The following CRB1 variants were observed in gnomAD, a reference collection of about 807,000 sequenced individuals.
CRB1 encodes the protein protein crumbs homolog 1.
In CRB1, 83 loss-of-function variants were observed where a neutral mutation model predicts 120.0. The ratio of observed to expected loss-of-function variants is 0.69; its 90% CI spans 0.58 to 0.83. The LOEUF (loss-of-function observed/expected upper bound fraction) is 0.83. CRB1 is among the 40% of genes least tolerant of loss of function. CRB1 has a pLI of 0.00. For synonymous variants in CRB1, 625 were observed against 612.5 expected (o/e 1.02, Z -0.30); for missense variants, 1,699 against 1,687.6 (o/e 1.01, Z -0.12).
intron 5 of CRB1, among the ~76,000 whole-genome samples, chr1:197,392,752 T>C (rs1662570794): frequency 6.6e-6 from 1 of 152,036 alleles, no homozygotes; most frequent in Non-Finnish European, 1.5e-5. Context: ...ATACTATGAA[T>C]CAAACATAAA....
chr1:197,313,415 T>C (rs1298412665), intron 1 of CRB1, among the ~76,000 whole-genome samples: 1 of 152,228 alleles, frequency 6.6e-6, no homozygotes, highest in Non-Finnish European at 1.5e-5. Flanking sequence ...AATTGAGATA[T>C]ACATCACCTG....
the CRB1 span, among the ~76,000 whole-genome samples, chr1:197,262,970 A>C: frequency 3.9e-4 from 60 of 152,296 alleles, no homozygotes; most frequent in South Asian, 1.0e-3. Context: ...TGCTATTATG[A>C]ATAGCGCTGT....
Position 197,453,530 on chromosome 1 carries a change from A to G in CRB1, c.4005+11238A>G. Among the ~76,000 whole-genome samples the G allele has an allele frequency of 3.1e-5, 2 of 64,828 alleles. 1 individual carries two copies. The highest frequency in any genetic ancestry group is 1.9e-3 in the South Asian group (2 of 1,076). 42.5% of individuals were successfully genotyped at this position (64,828 alleles called of 152,430 possible). A position where few individuals can be genotyped will look rare whatever the true frequency, so the allele number is the denominator to read the frequency against. ...TATATATATGTGTGTGTGTGTATAT[A>G]TATATATATAGAGAGAGAGACAGAG... is the stretch of plus-strand genomic sequence containing the variant. On this transcript the variant is annotated intron_variant, in intron 11 of 11. Transcript: ENST00000367400.
chr1:197,275,301 T>C (rs1260106065), intron 1 of CRB1, among the ~76,000 whole-genome samples: 1 of 152,070 alleles, frequency 6.6e-6, no homozygotes, highest in Non-Finnish European at 1.5e-5. Context: ...CAATTCAACC[T>C]ATAACATCTA....
chr1:197,345,957 C>G (rs1174482273), intron 3 of CRB1, among the ~76,000 whole-genome samples: 3 of 152,136 alleles, frequency 2.0e-5, no homozygotes, highest in Non-Finnish European at 2.9e-5. Flanking sequence ...AACTGGCCAA[C>G]ACAGAGACAG....
In CRB1 at chr1:197,362,250, G is replaced by T. The variant is rs185689507; in HGVS notation, c.1171+5237G>T. ...TTCAAATTATTTCAAATTTGTTGGGGTTTGTTTTTTGGCACAGGATACAAT... is the reference window on the plus strand; with the variant it reads ...TTCAAATTATTTCAAATTTGTTGGGTTTTGTTTTTTGGCACAGGATACAAT... On this transcript the variant is annotated intron_variant, in intron 5 of 11. Coordinates refer to ENST00000367400, the MANE Select transcript of CRB1 (RefSeq NM_201253.3). Among the ~76,000 whole-genome samples the T allele has an allele frequency of 7.4e-4, 112 of 152,088 alleles. No individual in the cohort carries two copies. The East Asian group carries it at 0.021, about 28-fold the overall frequency.
chr1:197,271,102 G>A (rs145720597), intron 1 of CRB1, among the ~76,000 whole-genome samples: 7,347 of 152,112 alleles, frequency 0.048, 616 homozygotes, highest in African/African-American at 0.17. Flanking sequence ...AGGAGGCTGA[G>A]GTGGGAGGAT....
intron 1 of CRB1, among the ~76,000 whole-genome samples, chr1:197,281,058 G>C (rs2125219131): frequency 6.6e-6 from 1 of 151,956 alleles, no homozygotes; most frequent in South Asian, 2.1e-4. Context: ...ATAAGTCTTA[G>C]TAATTGTGAT....
the CRB1 span, among the ~76,000 whole-genome samples, chr1:197,239,588 G>T: frequency 6.6e-6 from 1 of 151,626 alleles, no homozygotes; most frequent in Admixed American, 6.6e-5. Flanking sequence ...GTTTGTGTGG[G>T]TTTCTTATAG....
At chr1:197,269,669 TAA>T (rs1654798909) in intron 1 of CRB1, among the ~76,000 whole-genome samples, 1 of 152,046 alleles carries the variant, frequency 6.6e-6, no homozygotes, top group African/African-American at 2.4e-5. Flanking sequence ...GAAAAAGAAA[TAA>T]GTCATAAAAT....
rs1362035779 is a variant in CRB1 at position 197,477,753 on chromosome 1, T to C, written c.4095T>C (p.Ala1365=). Residue 1365 remains alanine (A), a synonymous_variant, in exon 12 of 12, where the codon GCT becomes GCC. Coordinates refer to ENST00000367400, the MANE Select transcript of CRB1 (RefSeq NM_201253.3). The stretch of plus-strand genomic sequence containing the variant: ...TGATCCTCTTGCTGGCCATTGTTGC[T>C]TCTGTTGTCACCTCCAACAAAAGGG... The part of the protein sequence containing the change: ...LLLILLLAIV[A]SVVTSNKRAT... 3 of 1,613,846 alleles carry C rather than the reference T, an allele frequency of 1.9e-6. No homozygotes were observed. The highest frequency in any genetic ancestry group is 2.7e-5 in the African/African-American group (2 of 74,930).
intron 5 of CRB1, among the ~76,000 whole-genome samples, chr1:197,419,363 CTTTTT>C (rs68004200): frequency 4.7e-5 from 6 of 127,260 alleles, no homozygotes; most frequent in Non-Finnish European, 5.2e-5. Context: ...AGATTGGATT[CTTTTT>C]TTTTTTTTTT....
chr1:197,266,408 T>G (rs186887443), upstream of CRB1, among the ~76,000 whole-genome samples: 1 of 152,188 alleles, frequency 6.6e-6, no homozygotes, highest in Admixed American at 6.5e-5. Context: ...TTCATGAGGG[T>G]TAGGTCTAAC....
In CRB1 at chr1:197,435,308, T is replaced by C. The variant is rs2125500500; in HGVS notation, c.3445T>C (p.Leu1149=). 1 of 1,613,810 alleles carries C rather than the reference T, an allele frequency of 6.2e-7. No homozygotes were observed. The highest frequency in any genetic ancestry group is 8.5e-7 in the Non-Finnish European group (1 of 1,179,830). ...AAATGTCTGCAACTCCAACCCCTGT[T>C]TGCATGGAGGAAACTGTGAAGACAT... is the stretch of plus-strand genomic sequence containing the variant. The part of the protein sequence containing the change: ...QLNVCNSNPC[L]HGGNCEDIYS... The change falls in exon 9 of 12, where the codon TTG becomes CTG. Residue 1149 remains leucine, a synonymous_variant. Transcript: ENST00000367400.
intron 11 of CRB1, among the ~76,000 whole-genome samples, chr1:197,471,604 G>T (rs570200978): frequency 6.6e-6 from 1 of 152,184 alleles, no homozygotes; most frequent in Admixed American, 6.5e-5. Context: ...GGTGGAAGGA[G>T]CATCTGGCTG....
the CRB1 span, among the ~76,000 whole-genome samples, chr1:197,243,208 C>T: frequency 2.0e-5 from 3 of 152,024 alleles, no homozygotes; most frequent in Non-Finnish European, 4.4e-5. Context: ...TATTTATTGT[C>T]GTTTGCTGAC....
chr1:197,407,777 C>T (rs1663491377), intron 5 of CRB1, among the ~76,000 whole-genome samples: 1 of 152,014 alleles, frequency 6.6e-6, no homozygotes, highest in Non-Finnish European at 1.5e-5. Flanking sequence ...AATTCTTCCC[C>T]CAGAAAATGC....
chr1:197,273,779 A>T (rs946624789), intron 1 of CRB1, among the ~76,000 whole-genome samples: 2 of 151,952 alleles, frequency 1.3e-5, no homozygotes, highest in African/African-American at 2.4e-5. Flanking sequence ...GGTGCTTTTT[A>T]AAAAAGGATT....
chr1:197,475,726 C>T (rs1667167661), intron 11 of CRB1, among the ~76,000 whole-genome samples: 1 of 152,158 alleles, frequency 6.6e-6, no homozygotes, highest in African/African-American at 2.4e-5. Context: ...CTCTCACCAA[C>T]TCTTTTCACC....
Sources: gnomAD v4.1 joint callset for allele counts (sites outside exome capture counted in the v4.1 genomes callset) on GRCh38, gnomAD v4.1.1 for gene constraint, MANE v1.5 for transcripts, NCBI Gene and HGNC (gene_info 2026-07-23, HGNC 2026-07-21) for gene names.